ANGPT2: variants seen among roughly 807,000 people sequenced by gnomAD.
The protein encoded by ANGPT2 is angiopoietin-2.
ANGPT2 carries 28 observed loss-of-function variants against 62.9 expected under a neutral mutation model. The observed-to-expected ratio is 0.44, with a 90% CI of 0.33 to 0.61. ANGPT2 has a LOEUF of 0.61. Ranked by LOEUF, ANGPT2 falls within the 20% of genes least tolerant of loss-of-function variation. The pLI is 0.03. For synonymous variants in ANGPT2, 284 were observed against 207.8 expected, an observed-to-expected ratio of 1.37 and a Z score of -3.15; for missense variants, 727 against 594.9, an observed-to-expected ratio of 1.22 and a Z score of -2.31.
intron 1 of ANGPT2, among the ~76,000 whole-genome samples, chr8:6,551,097 C>G (rs1265831523): frequency 6.6e-6 from 1 of 152,172 alleles, no homozygotes; most frequent in Admixed American, 6.5e-5. Flanking sequence ...GGGTGCTTAC[C>G]TTCCACGGCT....
intron 2 of ANGPT2, 86 bp downstream of exon 2, chr8:6,532,246 A>T: frequency 6.7e-7 from 1 of 1,501,684 alleles, no homozygotes; most frequent in Non-Finnish European, 9.1e-7. Context: ...TTAGTTTCTC[A>T]TGCCTTCATT....
chr8:6,514,636 C>A (rs755170426), intron 6 of ANGPT2, 41 bp downstream of exon 6: 1 of 1,562,918 alleles, frequency 6.4e-7, no homozygotes, highest in Non-Finnish European at 8.8e-7. Flanking sequence ...CTATTTTTCA[C>A]AAGGGAAATT....
chr8:6,553,573 C>T lies in ANGPT2; in HGVS notation c.288+9074G>A, dbSNP rs149588058. On this transcript the variant is annotated intron_variant, in intron 1 of 8. Transcript: ENST00000629816. ...GTATAGAACGCCTTTATTCAAACAA[C>T]GGGAGAACATGAACATATCCCTTTG... is the stretch of plus-strand genomic sequence containing the variant. 8.1e-3 allele frequency among the ~76,000 whole-genome samples: 1,229 copies of T among 152,232 alleles called. 6 individuals carry two copies. The highest frequency in any genetic ancestry group is 0.028 in the South Asian group (136 of 4,822).
chr8:6,526,513 G>A (rs1037103938), intron 3 of ANGPT2, among the ~76,000 whole-genome samples: 1 of 151,954 alleles, frequency 6.6e-6, no homozygotes, highest in African/African-American at 2.4e-5. Flanking sequence ...TTCATTTACT[G>A]TTTGTAGAGG....
At chr8:6,552,322 C>T (rs1823790540) in intron 1 of ANGPT2, among the ~76,000 whole-genome samples, 1 of 152,180 alleles carries the variant, frequency 6.6e-6, no homozygotes, top group Non-Finnish European at 1.5e-5. Context: ...CACGCAGTCA[C>T]AGCAGTGTGT....
At chr8:6,537,571 AAT>A (rs920888606) in intron 1 of ANGPT2, among the ~76,000 whole-genome samples, 3 of 151,198 alleles carry the variant, frequency 2.0e-5, no homozygotes, top group Non-Finnish European at 4.4e-5. Context: ...TGTTTACATT[AAT>A]ATATATATAT....
At chr8:6,562,552 C>CTTTTCTTTTTTTTTTTTT (rs1825702519) in intron 1 of ANGPT2, 95 bp downstream of exon 1, 1 of 71,748 alleles carries the variant, frequency 1.4e-5, no homozygotes, top group African/African-American at 6.3e-5. Flanking sequence ...CATCCTCCTT[C>CTTTTCTTTTTTTTTTTTT]TTTTTTTTTT....
chr8:6,511,745 T>C (rs948234984), intron 7 of ANGPT2, among the ~76,000 whole-genome samples: 6 of 152,192 alleles, frequency 3.9e-5, no homozygotes, highest in Non-Finnish European at 8.8e-5. Flanking sequence ...TTTTTCTAAA[T>C]GGCCTATCCA....
At chr8:6,558,370 AT>A (rs1452249923) in intron 1 of ANGPT2, among the ~76,000 whole-genome samples, 5 of 152,036 alleles carry the variant, frequency 3.3e-5, no homozygotes, top group Admixed American at 2.6e-4. Context: ...TTTTTGTTTT[AT>A]TTTTTAAATT....
intron 1 of ANGPT2, among the ~76,000 whole-genome samples, chr8:6,561,325 T>G (rs1440817150): frequency 6.6e-6 from 1 of 152,222 alleles, no homozygotes; most frequent in African/African-American, 2.4e-5. Flanking sequence ...TTTTGTTGTT[T>G]TAAATGACTC....
rs1190556728 is a variant in ANGPT2 at position 6,500,740 on chromosome 8, A to C, written c.*2361T>G. 2.0e-5 allele frequency: 3 copies of C among 152,250 alleles called. No homozygotes were observed. Among genetic ancestry groups the C allele is most frequent in the Non-Finnish European group, 4.4e-5 (3 of 68,046 alleles). The allele number at this position is 152,250 out of a possible 1,614,324, so 9.4% of individuals were successfully genotyped here. ...AGGAGAGACAAAAGCTCCTCTCAGC[A>C]AAACTGTTTGTTTGAAATACCGTGT... On this transcript the variant is annotated 3_prime_UTR_variant, in exon 9 of 9. Coordinates refer to ENST00000629816, the MANE Select transcript of ANGPT2 (RefSeq NM_001118887.2).
At chr8:6,503,355 G>A (rs765296066) in intron 8 of ANGPT2, 94 bp from the exon 9 acceptor site, 8 of 1,336,012 alleles carry the variant, frequency 6.0e-6, no homozygotes, top group Non-Finnish European at 8.4e-6. Context: ...GAGGCACACT[G>A]CAGGCGTGTG....
At chr8:6,557,487 T>C (rs865826803) in intron 1 of ANGPT2, among the ~76,000 whole-genome samples, 1 of 152,102 alleles carries the variant, frequency 6.6e-6, no homozygotes, top group African/African-American at 2.4e-5. Context: ...AATTCTAGAA[T>C]AATTTAGGAG....
chr8:6,538,094 A>G (rs1163000229), intron 1 of ANGPT2, among the ~76,000 whole-genome samples: 2 of 151,378 alleles, frequency 1.3e-5, no homozygotes, highest in South Asian at 2.1e-4. Flanking sequence ...ACCATCTCTC[A>G]CACACACATA....
intron 1 of ANGPT2, among the ~76,000 whole-genome samples, chr8:6,558,445 A>G (rs1316118845): frequency 2.6e-5 from 4 of 152,216 alleles, no homozygotes; most frequent in Non-Finnish European, 4.4e-5. Flanking sequence ...CAAAATTTCA[A>G]TTATTTTATG....
At position 6,532,429 on chromosome 8, in the gene ANGPT2, G is replaced by T; in HGVS notation, c.347C>A (p.Ala116Glu). The T allele has an allele frequency of 1.2e-6, 2 of 1,613,886 alleles. No homozygotes were observed. Among genetic ancestry groups the T allele is most frequent in the South Asian group, 1.1e-5 (1 of 91,048 alleles). ...KKEMVEIQQN[A>E]VQNQTAVMIE... ...CATCACAGCCGTCTGGTTCTGTACTGCATTCTGCTGTATCTCTACCATTTC... is the reference window on the plus strand; with the variant it reads ...CATCACAGCCGTCTGGTTCTGTACTTCATTCTGCTGTATCTCTACCATTTC... The change falls in exon 2 of 9, where the codon GCA (alanine) becomes GAA (glutamate). Residue 116 changes from alanine (A) to glutamate (E), a missense_variant. Transcript: ENST00000629816.
In ANGPT2 at chr8:6,509,012, C is replaced by G. The variant is rs773590255; in HGVS notation, c.1247G>C (p.Ser416Thr). The G allele has an allele frequency of 1.2e-6, 2 of 1,614,070 alleles. No individual in the cohort carries two copies. The highest frequency in any genetic ancestry group is 1.7e-6 in the Non-Finnish European group (2 of 1,180,010). Residue 416 changes from serine to threonine, a missense_variant, in exon 8 of 9, where the codon AGC becomes ACC. Transcript: ENST00000629816. ...TGTAGKISSI[S>T]QPGNDFSTKD... is the part of the protein sequence containing the mutation. Reference sequence around the variant, plus strand: ...TGTGCTAAAATCATTTCCTGGTTGGCTGATGCTGCTTATTTTGCCGGCTGT... The same window carrying G: ...TGTGCTAAAATCATTTCCTGGTTGGGTGATGCTGCTTATTTTGCCGGCTGT...
At chr8:6,555,262 A>G (rs893121828) in intron 1 of ANGPT2, among the ~76,000 whole-genome samples, 2 of 152,152 alleles carry the variant, frequency 1.3e-5, no homozygotes, top group Non-Finnish European at 2.9e-5. Context: ...TCAAACTCTA[A>G]TAGTGGGAAG....
intron 3 of ANGPT2, 143 bp downstream of exon 3, chr8:6,527,412 C>T (rs988408781): frequency 1.0e-6 from 1 of 981,506 alleles, no homozygotes; most frequent in Middle Eastern, 3.4e-4. Flanking sequence ...CAAGCCCTCT[C>T]CCTTCTCCTC....
Sources: gnomAD v4.1 joint callset for allele counts (sites outside exome capture counted in the v4.1 genomes callset) on GRCh38, gnomAD v4.1.1 for gene constraint, MANE v1.5 for transcripts, NCBI Gene and HGNC (gene_info 2026-07-23, HGNC 2026-07-21) for gene names.